Variants in MAP3K15 observed in about 807,000 individuals in gnomAD.
MAP3K15 encodes mitogen-activated protein kinase kinase kinase 15, also known as MAPK/ERK kinase kinase 15.
Under a neutral mutation model 99.5 loss-of-function variants are expected in MAP3K15, and 124 were observed. The ratio of observed to expected loss-of-function variants is 1.25; its 90% CI spans 1.08 to 1.45. MAP3K15 has a LOEUF of 1.45. Ranked by LOEUF, MAP3K15 falls within the 40% of genes most tolerant of loss-of-function variation. The probability of loss-of-function intolerance (pLI) is 0.00; values close to 1 mark genes in which losing one functional copy is unlikely to be tolerated. For missense variants in MAP3K15, 1,242 were observed against 1,079.7 expected (o/e 1.15, Z -2.11); for synonymous variants, 494 against 439.6 (o/e 1.12, Z -1.55).
intron 3 of MAP3K15, 138 bp from the exon 4 acceptor site, chrX:19,464,544 A>G (rs2064153379): frequency 2.2e-6 from 1 of 455,355 alleles, no homozygotes; most frequent in East Asian, 3.8e-5. Flanking sequence ...CTATGGATCT[A>G]TTAGGCACAA....
In MAP3K15 at chrX:19,379,993, T is replaced by G. The variant is rs151074190; in HGVS notation, c.2589+127A>C. 996 of 743,561 alleles carry G rather than the reference T, an allele frequency of 1.3e-3. 9 individuals are homozygous for G. In the African/African-American group the frequency reaches 0.02, roughly 15 times the overall value. The allele number at this position is 743,561 out of a possible 1,213,427, so 61.3% of individuals were successfully genotyped here. On this transcript the variant is annotated intron_variant, in intron 19 of 28. Coordinates refer to ENST00000338883, the MANE Select transcript of MAP3K15 (RefSeq NM_001001671.4). ...TGCACCTCGCATTCTGGTTTAATGC[T>G]TATCCAATAATAAAACTGTTTCCTT...
intron 9 of MAP3K15, among the ~76,000 whole-genome samples, chrX:19,420,984 G>A (rs761008689): frequency 2.0e-4 from 22 of 111,027 alleles, no homozygotes; most frequent in South Asian, 7.6e-4. Context: ...ATTCAACAAC[G>A]CTTCATGCTA....
At chrX:19,455,016 C>G (rs112060077) in intron 6 of MAP3K15, among the ~76,000 whole-genome samples, 55 of 111,961 alleles carry the variant, frequency 4.9e-4, no homozygotes, top group African/African-American at 1.5e-3. Context: ...GGCTGGCCAA[C>G]TTAAGCCTAA....
intron 18 of MAP3K15, among the ~76,000 whole-genome samples, chrX:19,386,597 G>C (rs2063495200): frequency 9.0e-6 from 1 of 111,275 alleles, no homozygotes; most frequent in African/African-American, 3.3e-5. Flanking sequence ...CACCAGTGCA[G>C]TGGTGCAGAG....
intron 1 of MAP3K15, among the ~76,000 whole-genome samples, chrX:19,503,320 T>C (rs1420299851): frequency 8.9e-6 from 1 of 112,348 alleles, no homozygotes; most frequent in Non-Finnish European, 1.9e-5. Context: ...ATCAGAGGGC[T>C]GCCTGTTTCA....
intron 13 of MAP3K15, among the ~76,000 whole-genome samples, chrX:19,403,497 C>T (rs1311465248): frequency 4.3e-5 from 4 of 92,545 alleles, no homozygotes; most frequent in African/African-American, 4.3e-5. Flanking sequence ...CTTGCTCTGT[C>T]GCCCAGGCTG....
At chrX:19,387,922 G>C (rs975470643) in intron 18 of MAP3K15, among the ~76,000 whole-genome samples, 1 of 112,117 alleles carries the variant, frequency 8.9e-6, no homozygotes, top group Non-Finnish European at 1.9e-5. Context: ...ACATCCAGAG[G>C]GAGCCAGCGA....
intron 1 of MAP3K15, among the ~76,000 whole-genome samples, chrX:19,505,001 G>T (rs1435085607): frequency 9.3e-6 from 1 of 107,468 alleles, no homozygotes; most frequent in African/African-American, 3.4e-5. Context: ...TGCCAAACAG[G>T]TATAGGGTTC....
In MAP3K15 at chrX:19,425,544, TCA is replaced by T. The variant is rs1305758325; in HGVS notation, c.1424_1425del (p.Leu475GlnfsTer26). ...AVQAAERLFK[L>X]KPPVWYLRSL... Reference sequence around the variant, plus strand: ...GACACAACTCACCAGACTGGAGGTTTCAGTTTGAACAACCTCTCTGCTGCCTG... The same window carrying T: ...GACACAACTCACCAGACTGGAGGTTTGTTTGAACAACCTCTCTGCTGCCTG... On this transcript the variant is annotated frameshift_variant, in exon 9 of 29. Transcript: ENST00000338883. LOFTEE classifies it high-confidence loss of function. 5.9e-6 allele frequency: 7 copies of T among 1,195,650 alleles called. No individual in the cohort carries two copies. Among genetic ancestry groups the T allele is most frequent in the Non-Finnish European group, 7.8e-6 (7 of 893,403 alleles).
chrX:19,455,005 C>T (rs1255117886), intron 6 of MAP3K15, among the ~76,000 whole-genome samples: 1 of 111,916 alleles, frequency 8.9e-6, no homozygotes, highest in Non-Finnish European at 1.9e-5. Context: ...ACTATGTTGA[C>T]GGCTGGCCAA....
intron 6 of MAP3K15, among the ~76,000 whole-genome samples, chrX:19,434,555 GTT>G (rs938116621): frequency 2.7e-5 from 3 of 111,190 alleles, no homozygotes; most frequent in African/African-American, 6.5e-5. Flanking sequence ...GCTCTTTTAT[GTT>G]TTCTTTCCTG....
chrX:19,495,877 G>A (rs974491192), intron 1 of MAP3K15, among the ~76,000 whole-genome samples: 3 of 110,841 alleles, frequency 2.7e-5, no homozygotes, highest in African/African-American at 9.8e-5. Context: ...GATCGCTTGA[G>A]CCCAGGACTT....
intron 18 of MAP3K15, among the ~76,000 whole-genome samples, chrX:19,386,435 G>A (rs752701088): frequency 2.7e-5 from 3 of 111,394 alleles, no homozygotes; most frequent in South Asian, 3.8e-4. Context: ...CAGCCTGGGC[G>A]ACAGAGTAAG....
intron 13 of MAP3K15, among the ~76,000 whole-genome samples, chrX:19,406,211 A>G (rs760297044): frequency 2.2e-4 from 25 of 112,587 alleles, no homozygotes; most frequent in Non-Finnish European, 4.5e-4. Flanking sequence ...TAGAGTTACC[A>G]TAAGACCCAG....
chrX:19,426,592 A>G (rs2063831872), intron 7 of MAP3K15, among the ~76,000 whole-genome samples: 1 of 110,285 alleles, frequency 9.1e-6, no homozygotes, highest in African/African-American at 3.3e-5. Flanking sequence ...AGGCACGTGG[A>G]CCACTTGAGG....
In MAP3K15 at chrX:19,409,937, T is replaced by C. The variant is rs757599496; in HGVS notation, c.1735A>G (p.Ile579Val). 1.1e-5 allele frequency: 13 copies of C among 1,200,534 alleles called. No homozygotes were observed. Among genetic ancestry groups the C allele is most frequent in the Non-Finnish European group, 1.5e-5 (13 of 886,820 alleles). The change falls in exon 12 of 29, where the codon ATA becomes GTA. Residue 579 changes from isoleucine (I) to valine (V), a missense_variant. Transcript: ENST00000338883. ...CTATGTTCTTACCTTATTCCCTTTA[T>C]GGAAGAGGCTGTAAAATTCCATTCG... ...MHEWNFTASS[I>V]KGISLSKFDE...
intron 1 of MAP3K15, among the ~76,000 whole-genome samples, chrX:19,500,800 G>A (rs1018296145): frequency 8.9e-6 from 1 of 111,886 alleles, no homozygotes; most frequent in African/African-American, 3.3e-5. Context: ...TTTATGGCTC[G>A]TATTCCAAAA....
chrX:19,467,784 G>A lies in MAP3K15; in HGVS notation c.526-3378C>T, dbSNP rs1035958017. 8.1e-4 allele frequency among the ~76,000 whole-genome samples: 84 copies of A among 104,325 alleles called. 1 individual carries two copies. The highest frequency in any genetic ancestry group is 1.4e-3 in the Non-Finnish European group (73 of 50,774). The allele number at this position is 104,325 out of a possible 115,157, so 90.6% of individuals were successfully genotyped here. A position where few individuals can be genotyped will look rare whatever the true frequency, so the allele number is the denominator to read the frequency against. ...GCAGAGGTTGCAGTGAACCGAGATC[G>A]TACCACTGCACTCCAACATGGGCAA... On this transcript the variant is annotated intron_variant, in intron 3 of 28. Coordinates refer to ENST00000338883, the MANE Select transcript of MAP3K15 (RefSeq NM_001001671.4).
chrX:19,360,928 AAC>A lies in MAP3K15; in HGVS notation c.3858-97_3858-96del, dbSNP rs2063277593. The stretch of plus-strand genomic sequence containing the variant: ...AATTTAAAAACCTAATGAAAATAAA[AAC>A]ATTCTCCTCACATATGGAGGTGACG... On this transcript the variant is annotated intron_variant, in intron 28 of 28. Coordinates refer to ENST00000338883, the MANE Select transcript of MAP3K15 (RefSeq NM_001001671.4). 7 of 647,833 alleles carry A rather than the reference AAC, an allele frequency of 1.1e-5. No individual in the cohort carries two copies. In the South Asian group the frequency reaches 1.7e-4, roughly 16 times the overall value. The allele number at this position is 647,833 out of a possible 1,213,427, so 53.4% of individuals were successfully genotyped here.
Sources: gnomAD v4.1 joint callset for allele counts (sites outside exome capture counted in the v4.1 genomes callset) on GRCh38, gnomAD v4.1.1 for gene constraint, MANE v1.5 for transcripts, NCBI Gene and HGNC (gene_info 2026-07-23, HGNC 2026-07-21) for gene names.